KLC3: variants seen among roughly 807,000 people sequenced by gnomAD.
KLC3 encodes the protein kinesin light chain 3.
Under a neutral mutation model 62.9 loss-of-function variants are expected in KLC3, and 72 were observed. That is an observed-to-expected ratio of 1.15 (90% CI 0.95 to 1.39). The LOEUF (loss-of-function observed/expected upper bound fraction) is 1.39. Ranked by LOEUF, KLC3 falls within the 40% of genes most tolerant of loss-of-function variation. KLC3 has a pLI of 0.00. For synonymous variants in KLC3, 377 were observed against 300.5 expected, an observed-to-expected ratio of 1.25 and a Z score of -2.63; for missense variants, 848 against 691.6, an observed-to-expected ratio of 1.23 and a Z score of -2.54.
intron 4 of KLC3, 64 bp from the exon 5 acceptor site, chr19:45,347,877 C>T: frequency 2.9e-6 from 4 of 1,361,118 alleles, no homozygotes; most frequent in Non-Finnish European, 4.1e-6. Context: ...GCACGTGTCC[C>T]CTCATGCGAG....
intron 2 of KLC3, 97 bp downstream of exon 2, chr19:45,345,896 G>GC (rs1971480470): frequency 3.7e-6 from 5 of 1,339,808 alleles, no homozygotes; most frequent in Non-Finnish European, 4.0e-6. Context: ...ACTGGGAGAG[G>GC]GTTCACTATT....
intron 12 of KLC3, 41 bp from the exon 13 acceptor site, chr19:45,351,245 C>A: frequency 1.2e-6 from 2 of 1,603,478 alleles, no homozygotes; most frequent in Non-Finnish European, 1.7e-6. Context: ...TAACACTTGC[C>A]CCTCACCTCC....
At chr19:45,347,336 G>A (rs1285349442) in intron 3 of KLC3, 111 bp from the exon 4 acceptor site, 23 of 715,790 alleles carry the variant, frequency 3.2e-5, no homozygotes, top group Middle Eastern at 6.8e-4. Context: ...GCGAAACTCC[G>A]TCTCAAAAAA....
Position 45,351,311 on chromosome 19 carries a change from CCCCTCGGA to C in KLC3, c.1475_1482del (p.Arg492GlnfsTer?), listed in dbSNP as rs1466512091. 6.2e-7 allele frequency: 1 copy of C among 1,612,406 alleles called. No homozygotes were observed. Among genetic ancestry groups the C allele is most frequent in the African/African-American group, 1.3e-5 (1 of 74,890 alleles). ...TTTCCCAGCTGGCACCTGGACAAGG[CCCCTCGGA>C]CCCTCAGCGCCAGCACCCAGGACCT... On this transcript the variant is annotated frameshift_variant, in exon 13 of 13. Coordinates refer to ENST00000391946, the MANE Select transcript of KLC3 (RefSeq NM_177417.3). LOFTEE classifies it high-confidence loss of function.
intron 11 of KLC3, 70 bp from the exon 12 acceptor site, chr19:45,350,884 T>G: frequency 6.5e-7 from 1 of 1,548,742 alleles, no homozygotes; most frequent in Admixed American, 1.7e-5. Flanking sequence ...AACCCTGTGC[T>G]GGAAAGGTCC....
chr19:45,342,932 G>A (rs1971421324), intron 1 of KLC3, among the ~76,000 whole-genome samples: 1 of 152,180 alleles, frequency 6.6e-6, no homozygotes, highest in South Asian at 2.1e-4. Context: ...TGCAAAAACC[G>A]CTGGGCTGCT....
At position 45,345,719 on chromosome 19, in the gene KLC3, G is replaced by A. The variant is rs890899037; in HGVS notation, c.178G>A (p.Gly60Ser). ...CCTGGCGGGACAGGGCCCGGCAGCC[G>A]GCTTGGAGATGCTGGAGGAAAAGCA... is the stretch of plus-strand genomic sequence containing the variant. Reference protein sequence around the residue: ...EALAGQGPAAGLEMLEEKQQV... With the variant: ...EALAGQGPAASLEMLEEKQQV... Residue 60 changes from glycine (G) to serine (S), a missense_variant, in exon 2 of 13, where the codon GGC becomes AGC. Gly to Ser is a moderately conservative substitution (Grantham distance 56). Transcript: ENST00000391946. 1.1e-5 allele frequency: 17 copies of A among 1,563,336 alleles called. No homozygotes were observed. Among genetic ancestry groups the A allele is most frequent in the Admixed American group, 3.9e-5 (2 of 51,842 alleles).
At chr19:45,348,188 G>C (rs941460889) in intron 5 of KLC3, 28 bp downstream of exon 5, 9 of 1,536,296 alleles carry the variant, frequency 5.9e-6, no homozygotes, top group Middle Eastern at 4.4e-4. Flanking sequence ...CCATGGCTGG[G>C]GGCAGGAACG....
intron 1 of KLC3, among the ~76,000 whole-genome samples, chr19:45,343,850 TTTC>T: frequency 6.6e-6 from 1 of 152,058 alleles, no homozygotes; most frequent in African/African-American, 2.4e-5. Flanking sequence ...CCTTTCTTTC[TTTC>T]TTTTTTGACT....
chr19:45,346,427 C>A, intron 2 of KLC3, 117 bp from the exon 3 acceptor site: 2 of 867,850 alleles, frequency 2.3e-6, no homozygotes, highest in Non-Finnish European at 3.4e-6. Context: ...TCTGCAGAAT[C>A]TGGGGGTGTC....
Position 45,351,361 on chromosome 19 carries a change from C to G in KLC3, c.*4C>G. On this transcript the variant is annotated 3_prime_UTR_variant, in exon 13 of 13. Coordinates refer to ENST00000391946, the MANE Select transcript of KLC3 (RefSeq NM_177417.3). ...CCAGGACCTGAGCCCCCACTAACGT[C>G]CAGTGAACTGCGCTGGCCGCAGCTT... 1 of 1,610,368 alleles carries G rather than the reference C, an allele frequency of 6.2e-7. No individual in the cohort carries two copies. Among genetic ancestry groups the G allele is most frequent in the East Asian group, 2.2e-5 (1 of 44,872 alleles).
chr19:45,349,783 T>C (rs1971627083), intron 8 of KLC3, 181 bp downstream of exon 8: 3 of 597,432 alleles, frequency 5.0e-6, no homozygotes, highest in Non-Finnish European at 8.5e-6. Flanking sequence ...AGGAAACGCG[T>C]AAGTCCACGG....
At position 45,341,578 on chromosome 19, in the gene KLC3, T is replaced by TGTGTGCGCGCGCGCGC; in HGVS notation, c.-9+733_-9+734insTGTGCGCGCGCGCGCG. ...TGGTGTGTGTGTGTGTGTGTGTGTGTGCGCGCGCGCGTGTGGTGGACAGTG... is the reference window on the plus strand; with the variant it reads ...TGGTGTGTGTGTGTGTGTGTGTGTGTGTGTGCGCGCGCGCGCGCGCGCGCGCGTGTGGTGGACAGTG... On this transcript the variant is annotated intron_variant, in intron 1 of 12. Coordinates refer to ENST00000391946, the MANE Select transcript of KLC3 (RefSeq NM_177417.3). 1.9e-3 allele frequency among the ~76,000 whole-genome samples: 271 copies of TGTGTGCGCGCGCGCGC among 139,876 alleles called. 2 individuals are homozygous for TGTGTGCGCGCGCGCGC. The highest frequency in any genetic ancestry group is 2.0e-3 in the Non-Finnish European group (131 of 64,272). The allele number at this position is 139,876 out of a possible 152,430, so 91.8% of individuals were successfully genotyped here.
rs543633839 is a variant in KLC3 at position 45,342,335 on chromosome 19, C to T, written c.-9+1489C>T. On this transcript the variant is annotated intron_variant, in intron 1 of 12. Transcript: ENST00000391946. ...GTGCAGTGGCTCATACCTGTAATCTCAACACTTTGGGAGGCTGAGGCGGCG... is the reference window on the plus strand; with the variant it reads ...GTGCAGTGGCTCATACCTGTAATCTTAACACTTTGGGAGGCTGAGGCGGCG... Among the ~76,000 whole-genome samples the T allele has an allele frequency of 2.6e-4, 40 of 152,206 alleles. No individual in the cohort carries two copies. The South Asian group carries it at 8.1e-3, about 31-fold the overall frequency.
At position 45,348,062 on chromosome 19, in the gene KLC3, G is replaced by A. The variant is rs373810329; in HGVS notation, c.681G>A (p.Val227=). The A allele has an allele frequency of 3.6e-5, 58 of 1,602,828 alleles. No homozygotes were observed. In the African/African-American group the frequency reaches 7.2e-4, roughly 20 times the overall value. ...YAGQGRYEVA[V]PLCRQALEDL... is the part of the protein sequence containing the mutation. ...GGCAGGGCCGCTATGAGGTGGCGGT[G>A]CCTCTGTGCCGCCAGGCCTTGGAGG... Residue 227 remains valine, a synonymous_variant, in exon 5 of 13, where the codon GTG becomes GTA. Transcript: ENST00000391946.
intron 1 of KLC3, among the ~76,000 whole-genome samples, chr19:45,341,093 G>T (rs546293496): frequency 6.6e-6 from 1 of 151,966 alleles, no homozygotes; most frequent in Admixed American, 6.6e-5. Flanking sequence ...TTGTGACTGC[G>T]GGTGAGCCTG....
chr19:45,341,554 G>GGTGT lies in KLC3; in HGVS notation c.-9+730_-9+733dup, dbSNP rs773352088. On this transcript the variant is annotated intron_variant, in intron 1 of 12. Transcript: ENST00000391946. ...GGCTGTGGTTGTCTTTCTGCCTGTT[G>GGTGT]GTGTGTGTGTGTGTGTGTGTGTGTG... Among the ~76,000 whole-genome samples, 154 of 144,086 alleles carry GGTGT rather than the reference G, an allele frequency of 1.1e-3. 1 individual carries two copies. The highest frequency in any genetic ancestry group is 3.3e-3 in the East Asian group (16 of 4,908). 94.5% of individuals were successfully genotyped at this position (144,086 alleles called of 152,430 possible).
chr19:45,341,221 C>A (rs1314515413), intron 1 of KLC3, among the ~76,000 whole-genome samples: 1 of 141,010 alleles, frequency 7.1e-6, no homozygotes, highest in Non-Finnish European at 1.5e-5. Context: ...TGTGGCTTTG[C>A]GTGTGTGTAA....
In KLC3 at chr19:45,350,677, G is replaced by GAGTCT; in HGVS notation, c.1311_1315dup (p.Ile439SerfsTer25). 6.2e-7 allele frequency: 1 copy of GAGTCT among 1,613,892 alleles called. No homozygotes were observed. The highest frequency in any genetic ancestry group is 8.5e-7 in the Non-Finnish European group (1 of 1,179,926). On this transcript the variant is annotated frameshift_variant, in exon 11 of 13. Transcript: ENST00000391946. LOFTEE classifies it high-confidence loss of function. ...CAGCAGCTCACTCTCCAAGATCCGT[G>GAGTCT]AGTCTATCAGGCGAGGAAGTGAGAA...
Sources: gnomAD v4.1 joint callset for allele counts (sites outside exome capture counted in the v4.1 genomes callset) on GRCh38, gnomAD v4.1.1 for gene constraint, MANE v1.5 for transcripts, NCBI Gene and HGNC (gene_info 2026-07-23, HGNC 2026-07-21) for gene names.